CNTN5: variants seen among roughly 807,000 people sequenced by gnomAD.
The protein encoded by CNTN5 is contactin 5, also known as contactin-5.
Under a neutral mutation model 129.1 loss-of-function variants are expected in CNTN5, and 77 were observed. That is an observed-to-expected ratio of 0.60 (90% CI 0.50 to 0.72). The LOEUF (loss-of-function observed/expected upper bound fraction) is 0.72, where lower values mean the gene tolerates loss of function less well. CNTN5 is among the 30% of genes least tolerant of loss of function. The pLI is 0.00. For missense variants in CNTN5, 1,478 were observed against 1,328.8 expected, an observed-to-expected ratio of 1.11 and a Z score of -1.75; for synonymous variants, 509 against 465.6, an observed-to-expected ratio of 1.09 and a Z score of -1.20.
intron 2 of CNTN5, among the ~76,000 whole-genome samples, chr11:99,370,005 G>A (rs527518652): frequency 1.2e-4 from 18 of 150,968 alleles, no homozygotes; most frequent in Non-Finnish European, 2.2e-4. Context: ...ATTCATCTGG[G>A]ACCTAAATCT....
chr11:99,751,440 A>G (rs1275901010), intron 3 of CNTN5, among the ~76,000 whole-genome samples: 2 of 152,170 alleles, frequency 1.3e-5, no homozygotes, highest in South Asian at 4.1e-4. Context: ...AAGAGAGAGA[A>G]GTATTTAAAT....
At chr11:100,314,825 T>C (rs967365676) in intron 21 of CNTN5, among the ~76,000 whole-genome samples, 1 of 152,200 alleles carries the variant, frequency 6.6e-6, no homozygotes, top group African/African-American at 2.4e-5. Context: ...GCAGCCTGAC[T>C]CTGATTCTGA....
intron 13 of CNTN5, among the ~76,000 whole-genome samples, chr11:100,142,191 T>C (rs75353299): frequency 0.038 from 5,824 of 152,210 alleles, 362 homozygotes; most frequent in African/African-American, 0.13. Flanking sequence ...AGACTTGAAC[T>C]GAGCCTCACT....
chr11:99,519,090 T>A (rs1010456650), intron 2 of CNTN5, among the ~76,000 whole-genome samples: 2 of 152,034 alleles, frequency 1.3e-5, no homozygotes, highest in Admixed American at 6.6e-5. Context: ...CAGTACCCCA[T>A]CTCCAACTTC....
chr11:100,182,099 C>A (rs1255112270), intron 13 of CNTN5, among the ~76,000 whole-genome samples: 7 of 152,014 alleles, frequency 4.6e-5, no homozygotes, highest in African/African-American at 1.7e-4. Flanking sequence ...GTGGGTTTGT[C>A]ATAAAGACAG....
intron 3 of CNTN5, among the ~76,000 whole-genome samples, chr11:99,733,214 T>C (rs1025252275): frequency 4.6e-5 from 7 of 151,554 alleles, no homozygotes; most frequent in Non-Finnish European, 1.0e-4. Context: ...TCCCATCTAC[T>C]TGGGAGGCTG....
intron 1 of CNTN5, among the ~76,000 whole-genome samples, chr11:99,201,432 T>C (rs1859202502): frequency 6.6e-6 from 1 of 151,090 alleles, no homozygotes; most frequent in African/African-American, 2.4e-5. Context: ...TTTTCCTTCC[T>C]TCCTTTCTTC....
rs112121390 is a variant in CNTN5, at chr11:99,461,427, C to T, written c.-70-94718C>T. On this transcript the variant is annotated intron_variant, in intron 2 of 24. Transcript: ENST00000524871. ...TTTTTCTCTATATTTTCAAATGCCC[C>T]AAGAGATCGCCTATGAAGACCAACA... Among the ~76,000 whole-genome samples, 962 of 152,054 alleles carry T rather than the reference C, an allele frequency of 6.3e-3. 17 individuals carry two copies. The highest frequency in any genetic ancestry group is 0.019 in the African/African-American group (781 of 41,482).
At chr11:100,036,279 G>T (rs1247577144) in intron 9 of CNTN5, among the ~76,000 whole-genome samples, 1 of 151,902 alleles carries the variant, frequency 6.6e-6, no homozygotes, top group Non-Finnish European at 1.5e-5. Context: ...GATAGCTGTA[G>T]ATATGCGGCA....
intron 3 of CNTN5, among the ~76,000 whole-genome samples, chr11:99,755,673 A>T (rs1565494387): frequency 6.6e-6 from 1 of 151,518 alleles, no homozygotes; most frequent in Non-Finnish European, 1.5e-5. Context: ...TTATATTCTC[A>T]CTTTCCTGCA....
chr11:99,627,878 C>G (rs1951187392), intron 3 of CNTN5, among the ~76,000 whole-genome samples: 1 of 150,464 alleles, frequency 6.6e-6, no homozygotes, highest in Admixed American at 6.7e-5. Context: ...TTCCCCTGTT[C>G]CTAGGTTTGT....
chr11:99,182,742 GTATATACCAATAACA>G (rs1183952741), intron 1 of CNTN5, among the ~76,000 whole-genome samples: 1 of 152,146 alleles, frequency 6.6e-6, no homozygotes, highest in Non-Finnish European at 1.5e-5. Context: ...CGTCAAGCCA[GTATATACCAATAACA>G]TTGTAACAGT....
intron 1 of CNTN5, among the ~76,000 whole-genome samples, chr11:99,117,880 C>G (rs978486008): frequency 6.6e-6 from 1 of 152,136 alleles, no homozygotes; most frequent in Non-Finnish European, 1.5e-5. Flanking sequence ...CTCCCAGTCT[C>G]CAGAACTGTG....
intron 1 of CNTN5, among the ~76,000 whole-genome samples, chr11:99,247,906 G>C (rs1391336175): frequency 1.3e-5 from 2 of 152,228 alleles, no homozygotes; most frequent in Non-Finnish European, 2.9e-5. Flanking sequence ...ATTGTGAATA[G>C]TGCCGCAATA....
At chr11:99,991,279 A>T (rs7125025) in intron 8 of CNTN5, among the ~76,000 whole-genome samples, 57,633 of 151,894 alleles carry the variant, frequency 0.38, 12,389 homozygotes, top group African/African-American at 0.59. Flanking sequence ...CATCCTGACT[A>T]ACACGGTGAA....
intron 9 of CNTN5, among the ~76,000 whole-genome samples, chr11:100,049,938 C>G (rs1351583065): frequency 6.6e-6 from 1 of 152,152 alleles, no homozygotes; most frequent in East Asian, 1.9e-4. Flanking sequence ...CCATCTCACA[C>G]CAGTTAGAAT....
intron 2 of CNTN5, among the ~76,000 whole-genome samples, chr11:99,496,470 CATATTAAAAATGTCTTGAAAGAA>C (rs1301387711): frequency 6.6e-6 from 1 of 152,050 alleles, no homozygotes; most frequent in Non-Finnish European, 1.5e-5. Flanking sequence ...TAGTACTTGA[CATATTAAAAATGTCTTGAAAGAA>C]ATACAGTTCA....
intron 13 of CNTN5, among the ~76,000 whole-genome samples, chr11:100,173,358 A>C (rs1056037594): frequency 2.6e-5 from 4 of 152,134 alleles, no homozygotes; most frequent in Non-Finnish European, 4.4e-5. Flanking sequence ...CCTAGCACTC[A>C]TCCCCAGAAA....
chr11:99,755,512 C>G (rs1944377562), intron 3 of CNTN5, among the ~76,000 whole-genome samples: 1 of 152,128 alleles, frequency 6.6e-6, no homozygotes, highest in South Asian at 2.1e-4. Flanking sequence ...TATTTGCCAT[C>G]TGTATATCTT....
Sources: allele counts gnomAD v4.1 joint callset (sites outside exome capture counted in the v4.1 genomes callset), GRCh38; gene constraint gnomAD v4.1.1; transcripts MANE v1.5; gene names NCBI Gene and HGNC (gene_info 2026-07-23, HGNC 2026-07-21).